ARHGEF26: variants seen among roughly 807,000 people sequenced by gnomAD.
ARHGEF26 encodes Rho guanine nucleotide exchange factor 26.
ARHGEF26 carries 59 observed loss-of-function variants against 89.4 expected under a neutral mutation model. The observed-to-expected ratio is 0.66, with a 90% CI of 0.54 to 0.82. The LOEUF (loss-of-function observed/expected upper bound fraction) is 0.82, where lower values mean the gene tolerates loss of function less well. Among genes scored for constraint, ARHGEF26 ranks in the 40% least tolerant of loss-of-function variants. ARHGEF26 has a pLI of 0.00. For synonymous variants in ARHGEF26, 500 were observed against 428.4 expected (o/e 1.17, Z -2.06); for missense variants, 1,234 against 1,085.6 (o/e 1.14, Z -1.92).
chr3:154,186,886 CTTTTT>C (rs201150057), intron 6 of ARHGEF26, among the ~76,000 whole-genome samples: 5 of 82,076 alleles, frequency 6.1e-5, no homozygotes, highest in East Asian at 2.9e-4. Flanking sequence ...TTATTTCAGA[CTTTTT>C]TTTTTTTTTT....
intron 6 of ARHGEF26, among the ~76,000 whole-genome samples, chr3:154,155,164 G>A (rs1720254488): frequency 6.6e-6 from 1 of 151,916 alleles, no homozygotes; most frequent in Non-Finnish European, 1.5e-5. Flanking sequence ...GTTTTAGTTA[G>A]CATTTCTCTT....
At chr3:154,254,656 T>G in intron 13 of ARHGEF26, 64 bp from the exon 14 acceptor site, 5 of 1,255,440 alleles carry the variant, frequency 4.0e-6, no homozygotes, top group African/African-American at 1.5e-5. Context: ...TAAGTGTACA[T>G]TATTGGATTG....
At chr3:154,252,578 G>C (rs1718221814) in intron 12 of ARHGEF26, among the ~76,000 whole-genome samples, 1 of 152,056 alleles carries the variant, frequency 6.6e-6, no homozygotes, top group African/African-American at 2.4e-5. Context: ...AAGCATTTGG[G>C]AACAGTGTAA....
In ARHGEF26 at chr3:154,122,022, T is replaced by C. The variant is rs1382608975; in HGVS notation, c.30T>C (p.Ser10=). 6.3e-7 allele frequency: 1 copy of C among 1,596,036 alleles called. No homozygotes were observed. MDGESEVDF[S]SNSITPLWRR... is the part of the protein sequence containing the mutation. ...ACGGCGAGAGCGAGGTGGATTTTTCTAGCAACAGCATAACCCCTTTGTGGC... is the reference window on the plus strand; with the variant it reads ...ACGGCGAGAGCGAGGTGGATTTTTCCAGCAACAGCATAACCCCTTTGTGGC... Residue 10 remains serine (S), a synonymous_variant, in exon 2 of 15, where the codon TCT becomes TCC. Coordinates refer to ENST00000465093, the MANE Select transcript of ARHGEF26 (RefSeq NM_015595.4).
chr3:154,136,603 T>C (rs114191138), intron 4 of ARHGEF26, among the ~76,000 whole-genome samples: 3,453 of 152,310 alleles, frequency 0.023, 111 homozygotes, highest in African/African-American at 0.079. Context: ...TCTGTGCTTA[T>C]TGTGAAAGAC....
Position 154,122,838 on chromosome 3 carries a change from G to A in ARHGEF26, c.846G>A (p.Val282=). The A allele has an allele frequency of 6.2e-7, 1 of 1,612,728 alleles. No individual in the cohort carries two copies. The highest frequency in any genetic ancestry group is 1.3e-5 in the African/African-American group (1 of 75,050). Residue 282 remains valine (V), a synonymous_variant, in exon 2 of 15, where the codon GTG becomes GTA. Transcript: ENST00000465093. ...HKRLLKVRSM[V]EGLGGPLGHA... The stretch of plus-strand genomic sequence containing the variant: ...GACTCCTCAAGGTGCGCAGCATGGT[G>A]GAGGGCCTAGGAGGACCCCTGGGTC...
In ARHGEF26 at chr3:154,152,760, C is replaced by T; in HGVS notation, c.1327-12C>T. 6 of 1,436,240 alleles carry T rather than the reference C, an allele frequency of 4.2e-6. No individual in the cohort carries two copies. The highest frequency in any genetic ancestry group is 1.6e-5 in the South Asian group (1 of 61,018). The allele number at this position is 1,436,240 out of a possible 1,614,324, so 89.0% of individuals were successfully genotyped here. ...AAGAATTAATAATACATTTCTTTTT[C>T]CTTCTTACCAGGCTATCTTTGAAGT... is the stretch of plus-strand genomic sequence containing the variant. On this transcript the variant is annotated splice_polypyrimidine_tract_variant and intron_variant, in intron 5 of 14. Transcript: ENST00000465093.
At chr3:154,177,022 G>A (rs1255364225) in intron 6 of ARHGEF26, among the ~76,000 whole-genome samples, 2 of 152,094 alleles carry the variant, frequency 1.3e-5, no homozygotes, top group African/African-American at 4.8e-5. Context: ...ATTGCAGAAG[G>A]TGTGTGTTTC....
chr3:154,154,648 C>T (rs1720221341), intron 6 of ARHGEF26, among the ~76,000 whole-genome samples: 1 of 151,724 alleles, frequency 6.6e-6, no homozygotes, highest in South Asian at 2.1e-4. Context: ...TATATGTATT[C>T]CCCTCACTTT....
chr3:154,124,441 A>G lies in ARHGEF26; in HGVS notation c.1115A>G (p.Asp372Gly), dbSNP rs1410355824. 1 of 1,482,386 alleles carries G rather than the reference A, an allele frequency of 6.7e-7. No homozygotes were observed. The highest frequency in any genetic ancestry group is 1.3e-5 in the South Asian group (1 of 76,198). 91.8% of individuals were successfully genotyped at this position (1,482,386 alleles called of 1,614,324 possible). Reference sequence around the variant, plus strand: ...ATGCTGAAAGGACAAGGAACATTTGATGGGGAAGGTAAGCATTTAATTTTC... The same window carrying G: ...ATGCTGAAAGGACAAGGAACATTTGGTGGGGAAGGTAAGCATTTAATTTTC... ...KKMLKGQGTF[D>G]GEENAVLYQN... The change falls in exon 3 of 15, where the codon GAT (aspartate) becomes GGT (glycine). Residue 372 changes from aspartate to glycine, a missense_variant. Transcript: ENST00000465093.
intron 6 of ARHGEF26, among the ~76,000 whole-genome samples, chr3:154,185,695 C>T (rs994196711): frequency 4.6e-5 from 7 of 152,122 alleles, no homozygotes; most frequent in Non-Finnish European, 1.0e-4. Context: ...ATCATTGTTC[C>T]TTGGCAATTG....
At chr3:154,224,440 C>T (rs1227190115) in intron 10 of ARHGEF26, among the ~76,000 whole-genome samples, 2 of 152,158 alleles carry the variant, frequency 1.3e-5, no homozygotes, top group African/African-American at 4.8e-5. Flanking sequence ...TTTCTCCACC[C>T]CCTAAATCAG....
At chr3:154,251,300 T>C (rs1718131626) in intron 12 of ARHGEF26, among the ~76,000 whole-genome samples, 1 of 152,242 alleles carries the variant, frequency 6.6e-6, no homozygotes, top group African/African-American at 2.4e-5. Flanking sequence ...TAGATGATAC[T>C]TGCAATTGTT....
intron 8 of ARHGEF26, among the ~76,000 whole-genome samples, chr3:154,193,535 A>G (rs924822142): frequency 7.2e-6 from 1 of 137,972 alleles, no homozygotes; most frequent in Admixed American, 7.2e-5. Flanking sequence ...CTGTTGCTCT[A>G]ATCTGTTTCT....
At chr3:154,164,984 C>G (rs1055661772) in intron 6 of ARHGEF26, among the ~76,000 whole-genome samples, 3 of 152,068 alleles carry the variant, frequency 2.0e-5, no homozygotes, top group African/African-American at 7.2e-5. Context: ...ATCTAAGTGG[C>G]ATTAAGGATT....
Position 154,122,807 on chromosome 3 carries a change from A to C in ARHGEF26, c.815A>C (p.His272Pro). 2.5e-6 allele frequency: 4 copies of C among 1,612,092 alleles called. No individual in the cohort carries two copies. Among genetic ancestry groups the C allele is most frequent in the Non-Finnish European group, 3.4e-6 (4 of 1,179,064 alleles). Residue 272 changes from histidine to proline, a missense_variant, in exon 2 of 15, where the codon CAC (histidine) becomes CCC (proline). His to Pro is a moderately conservative substitution (Grantham distance 77). Transcript: ENST00000465093. Reference protein sequence around the residue: ...SKSNNQNVEPHKRLLKVRSMV... With the variant: ...SKSNNQNVEPPKRLLKVRSMV... ...TCCAACAATCAAAATGTGGAGCCCC[A>C]CAAGAGACTCCTCAAGGTGCGCAGC...
intron 6 of ARHGEF26, among the ~76,000 whole-genome samples, chr3:154,155,131 G>A (rs1437053451): frequency 6.6e-6 from 1 of 151,778 alleles, no homozygotes; most frequent in African/African-American, 2.4e-5. Flanking sequence ...TGTCTGATAG[G>A]TAAGGAGGAT....
At chr3:154,123,420 C>G (rs1355198868) in intron 2 of ARHGEF26, among the ~76,000 whole-genome samples, 1 of 152,112 alleles carries the variant, frequency 6.6e-6, no homozygotes, top group Non-Finnish European at 1.5e-5. Flanking sequence ...TGTTCAGAAC[C>G]GCACTCTGCA....
In ARHGEF26 at chr3:154,122,467, G is replaced by A. The variant is rs755611683; in HGVS notation, c.475G>A (p.Glu159Lys). The change falls in exon 2 of 15, where the codon GAG (glutamate) becomes AAG (lysine). Residue 159 changes from glutamate (E) to lysine (K), a missense_variant. Glu to Lys is a moderately conservative substitution (Grantham distance 56). Coordinates refer to ENST00000465093, the MANE Select transcript of ARHGEF26 (RefSeq NM_015595.4). ...TPNAPAPCTP[E>K]EDLTGLTASP... ...TAACGCGCCCGCCCCCTGCACCCCC[G>A]AGGAGGACCTTACTGGGTTGACTGC... 5.0e-6 allele frequency: 8 copies of A among 1,612,310 alleles called. No individual in the cohort carries two copies. The Admixed American group carries it at 1.0e-4, about 20-fold the overall frequency.
Sources: allele counts gnomAD v4.1 joint callset (sites outside exome capture counted in the v4.1 genomes callset), GRCh38; gene constraint gnomAD v4.1.1; transcripts MANE v1.5; gene names NCBI Gene and HGNC (gene_info 2026-07-23, HGNC 2026-07-21).